Variants in CREB5 observed in about 807,000 individuals in gnomAD.
CREB5 encodes cAMP responsive element binding protein 5.
Under a neutral mutation model 57.1 loss-of-function variants are expected in CREB5, and 19 were observed. The ratio of observed to expected loss-of-function variants is 0.33; its 90% CI spans 0.23 to 0.49. CREB5 has a LOEUF of 0.49. Ranked by LOEUF, CREB5 falls within the 20% of genes least tolerant of loss-of-function variation. The pLI is 0.99. For missense variants in CREB5, 579 were observed against 671.6 expected, an observed-to-expected ratio of 0.86 and a Z score of 1.52; for synonymous variants, 238 against 238.3, an observed-to-expected ratio of 1.00 and a Z score of 0.01.
chr7:28,659,581 A>T (rs1213443106), intron 5 of CREB5, among the ~76,000 whole-genome samples: 1 of 151,604 alleles, frequency 6.6e-6, no homozygotes, highest in Non-Finnish European at 1.5e-5. Flanking sequence ...TAAATATATA[A>T]CTCTTTGTGA....
intron 4 of CREB5, among the ~76,000 whole-genome samples, chr7:28,562,271 G>C (rs942718908): frequency 1.3e-5 from 2 of 152,214 alleles, no homozygotes; most frequent in African/African-American, 4.8e-5. Flanking sequence ...AAACTGACCA[G>C]GAAGGGGCAG....
rs1789173683 is a variant in CREB5, at chr7:28,441,255, T to C, written c.3+28338T>C. On this transcript the variant is annotated intron_variant, in intron 1 of 10. Coordinates refer to ENST00000357727, the MANE Select transcript of CREB5 (RefSeq NM_182898.4). The stretch of plus-strand genomic sequence containing the variant: ...CATTTGGTTGAAAGCTCCAAGCCCA[T>C]GAGGCTGTCGAGCTGGGCCAAATGC... Among the ~76,000 whole-genome samples, 8 of 152,342 alleles carry C rather than the reference T, an allele frequency of 5.3e-5. No homozygotes were observed. In the South Asian group the frequency reaches 1.7e-3, roughly 32 times the overall value.
chr7:28,614,639 G>T (rs73684207), intron 5 of CREB5, among the ~76,000 whole-genome samples: 2,789 of 152,138 alleles, frequency 0.018, 91 homozygotes, highest in African/African-American at 0.064. Flanking sequence ...CCAGCTTTTT[G>T]ATTTAATTTA....
At chr7:28,717,086 C>CTTTTTTTTTTTTTTTTT in intron 5 of CREB5, among the ~76,000 whole-genome samples, 1 of 110,250 alleles carries the variant, frequency 9.1e-6, no homozygotes, top group African/African-American at 3.6e-5. Context: ...GCTTTATATT[C>CTTTTTTTTTTTTTTTTT]TTTTTTTTTT....
At chr7:28,729,630 A>G (rs1018138114) in intron 7 of CREB5, among the ~76,000 whole-genome samples, 1 of 152,206 alleles carries the variant, frequency 6.6e-6, no homozygotes, top group Non-Finnish European at 1.5e-5. Context: ...GTCTCCAGGT[A>G]ACATCTCTCT....
At chr7:28,810,688 T>C (rs1299299462) in intron 9 of CREB5, among the ~76,000 whole-genome samples, 1 of 83,190 alleles carries the variant, frequency 1.2e-5, no homozygotes, top group South Asian at 4.8e-4. Context: ...AGGGTGAGAC[T>C]GTCTCAAAAA....
At chr7:28,626,019 G>A (rs1006602380) in intron 5 of CREB5, among the ~76,000 whole-genome samples, 5 of 152,120 alleles carry the variant, frequency 3.3e-5, no homozygotes, top group African/African-American at 4.8e-5. Context: ...TTACGATAAT[G>A]ATATCCTAAC....
chr7:28,374,803 C>T lies in CREB5; in HGVS notation c.-25+75362C>T, dbSNP rs1026733561. The stretch of plus-strand genomic sequence containing the variant: ...GGGATTATGCATCCCAGGCTCATCC[C>T]TTTGGGAATATCCATCCCAGGTTCA... On this transcript the variant is annotated intron_variant, in intron 1 of 9. Transcript: ENST00000396299. 3.9e-5 allele frequency among the ~76,000 whole-genome samples: 6 copies of T among 152,314 alleles called. 1 individual carries two copies. The South Asian group carries it at 1.2e-3, about 32-fold the overall frequency.
At chr7:28,623,232 G>A (rs866914076) in intron 5 of CREB5, among the ~76,000 whole-genome samples, 5 of 152,140 alleles carry the variant, frequency 3.3e-5, no homozygotes, top group South Asian at 4.1e-4. Flanking sequence ...TTATCACTGC[G>A]TCCAGCCCAT....
chr7:28,552,607 C>A (rs1794717517), intron 4 of CREB5, among the ~76,000 whole-genome samples: 1 of 152,190 alleles, frequency 6.6e-6, no homozygotes, highest in Non-Finnish European at 1.5e-5. Context: ...CCCCTTGACG[C>A]TCTTTAGCCC....
intron 3 of CREB5, among the ~76,000 whole-genome samples, chr7:28,500,055 A>T (rs1351294823): frequency 1.3e-5 from 2 of 152,210 alleles, no homozygotes; most frequent in South Asian, 4.1e-4. Flanking sequence ...CATTCAGCAA[A>T]CACTCACTGA....
intron 7 of CREB5, among the ~76,000 whole-genome samples, chr7:28,738,091 C>T (rs1804131512): frequency 1.3e-5 from 2 of 152,120 alleles, no homozygotes; most frequent in Admixed American, 1.3e-4. Context: ...GCACAGAAGA[C>T]TAAATTCTCA....
intron 5 of CREB5, among the ~76,000 whole-genome samples, chr7:28,649,812 G>A (rs1218137769): frequency 2.0e-5 from 3 of 152,134 alleles, no homozygotes; most frequent in Non-Finnish European, 2.9e-5. Flanking sequence ...ATTATGTTTG[G>A]AATGACTTAC....
At chr7:28,353,758 G>T (rs1427488585) in intron 1 of CREB5, among the ~76,000 whole-genome samples, 1 of 151,266 alleles carries the variant, frequency 6.6e-6, no homozygotes, top group Non-Finnish European at 1.5e-5. Context: ...CAGGAGAATG[G>T]CGTGAACCCA....
chr7:28,447,340 C>A (rs143124204), intron 1 of CREB5, among the ~76,000 whole-genome samples: 26 of 152,228 alleles, frequency 1.7e-4, no homozygotes, highest in African/African-American at 6.0e-4. Flanking sequence ...GGGACTGATC[C>A]CAAGAAATGA....
At chr7:28,560,821 TGCGCGCGCGC>T (rs1169041503) in intron 4 of CREB5, among the ~76,000 whole-genome samples, 1 of 60,268 alleles carries the variant, frequency 1.7e-5, no homozygotes, top group African/African-American at 6.6e-5. Context: ...TGTGTGTGTG[TGCGCGCGCGC>T]GCGTGTGTGT....
chr7:28,510,170 G>A (rs548121768), intron 4 of CREB5, among the ~76,000 whole-genome samples: 7 of 152,280 alleles, frequency 4.6e-5, no homozygotes, highest in African/African-American at 1.7e-4. Flanking sequence ...CTTTGACCAG[G>A]TTTTTCCAGC....
At chr7:28,621,636 T>A (rs193039761) in intron 5 of CREB5, among the ~76,000 whole-genome samples, 7 of 152,264 alleles carry the variant, frequency 4.6e-5, no homozygotes, top group Admixed American at 2.6e-4. Flanking sequence ...ACCCCGTTCA[T>A]TTAAAAGAGT....
chr7:28,315,989 G>C (rs1419760610), intron 1 of CREB5, among the ~76,000 whole-genome samples: 1 of 152,122 alleles, frequency 6.6e-6, no homozygotes, highest in African/African-American at 2.4e-5. Flanking sequence ...TTTCCTCCGG[G>C]GAGTTTTTCG....
Sources: allele counts gnomAD v4.1 joint callset (sites outside exome capture counted in the v4.1 genomes callset), GRCh38; gene constraint gnomAD v4.1.1; transcripts MANE v1.5; gene names NCBI Gene and HGNC (gene_info 2026-07-23, HGNC 2026-07-21).